Variants in GDI2 observed in about 807,000 individuals in gnomAD.
GDI2 encodes the protein rab GDP dissociation inhibitor beta.
A neutral mutation model predicts 54.2 loss-of-function variants in GDI2; 22 were observed. The ratio of observed to expected loss-of-function variants is 0.41; its 90% confidence interval spans 0.29 to 0.58. The LOEUF (loss-of-function observed/expected upper bound fraction) is 0.58. GDI2 is among the 20% of genes least tolerant of loss of function. GDI2 has a pLI of 0.35. For synonymous variants in GDI2, 177 were observed against 182.1 expected, an observed-to-expected ratio of 0.97 and a Z score of 0.23; for missense variants, 422 against 546.0, an observed-to-expected ratio of 0.77 and a Z score of 2.26.
At position 5,766,344 on chromosome 10, in the gene GDI2, A is replaced by T. The variant is rs1210706725; in HGVS notation, c.1137-49T>A. The stretch of plus-strand genomic sequence containing the variant: ...AGGTGAGCTGGTCCCACACCTGACC[A>T]TGGCTCTGCCTGAGGTCAACTGAGA... On this transcript the variant is annotated intron_variant, in intron 9 of 10. Transcript: ENST00000380191. The surrounding 1 kb of genome is among the most constrained non-coding windows in gnomAD (Gnocchi z 5.8). 1 of 1,526,858 alleles carries T rather than the reference A, an allele frequency of 6.5e-7. No individual in the cohort carries two copies. Among genetic ancestry groups the T allele is most frequent in the East Asian group, 2.2e-5 (1 of 44,490 alleles). The allele number at this position is 1,526,858 out of a possible 1,614,324, so 94.6% of individuals were successfully genotyped here.
chr10:5,809,771 G>A (rs868173069), intron 1 of GDI2, among the ~76,000 whole-genome samples: 1 of 152,188 alleles, frequency 6.6e-6, no homozygotes, highest in Non-Finnish European at 1.5e-5. Flanking sequence ...GGTACCATGG[G>A]AGGGAAGACA....
At position 5,774,828 on chromosome 10, in the gene GDI2, T is replaced by G. The variant is rs1266172445; in HGVS notation, c.720-887A>C. On this transcript the variant is annotated intron_variant, in intron 6 of 10. Transcript: ENST00000380191. The surrounding 1 kb of genome is among the most constrained non-coding windows in gnomAD (Gnocchi z 4.8). ...GTGTGTGTGTTCTAAAATGGCCTTG[T>G]GCAGTCGCGGGACTATCCACATCAG... is the stretch of plus-strand genomic sequence containing the variant. Among the ~76,000 whole-genome samples the G allele has an allele frequency of 1.3e-5, 2 of 152,190 alleles. No homozygotes were observed. Among genetic ancestry groups the G allele is most frequent in the East Asian group, 3.9e-4 (2 of 5,194 alleles).
At chr10:5,775,755 T>G (rs142497333) in intron 6 of GDI2, among the ~76,000 whole-genome samples, 81 of 152,318 alleles carry the variant, frequency 5.3e-4, no homozygotes, top group African/African-American at 1.9e-3. Flanking sequence ...AGTTTAAAAT[T>G]GCCATGTTCA....
intron 7 of GDI2, 91 bp downstream of exon 7, chr10:5,773,751 T>G (rs1368080755): frequency 1.4e-6 from 1 of 696,842 alleles, no homozygotes; most frequent in Non-Finnish European, 2.5e-6. Flanking sequence ...AGAAATCATA[T>G]GCATCAGTGT....
At chr10:5,791,153 T>C (rs772424044) in intron 4 of GDI2, among the ~76,000 whole-genome samples, 4 of 151,892 alleles carry the variant, frequency 2.6e-5, no homozygotes, top group South Asian at 2.1e-4. Flanking sequence ...ATTGCACCAT[T>C]ATAGGCATGT....
chr10:5,800,763 C>A, intron 1 of GDI2, 58 bp from the exon 2 acceptor site: 2 of 848,330 alleles, frequency 2.4e-6, no homozygotes, highest in South Asian at 1.3e-5. Context: ...TAAAACAGAT[C>A]ATTTTTTTCA....
chr10:5,788,663 C>A (rs1840931750), intron 4 of GDI2, among the ~76,000 whole-genome samples: 1 of 152,188 alleles, frequency 6.6e-6, no homozygotes, highest in Admixed American at 6.5e-5. Context: ...GCATTCAAAG[C>A]TACCCTGGAC....
At chr10:5,783,235 T>C (rs1840801639) in intron 6 of GDI2, among the ~76,000 whole-genome samples, 1 of 152,102 alleles carries the variant, frequency 6.6e-6, no homozygotes, top group Admixed American at 6.5e-5. Flanking sequence ...TTAAAATATA[T>C]ATAGTTATAA....
Position 5,766,288 on chromosome 10 carries a change from T to G in GDI2, c.1144A>C (p.Ser382Arg). ...LLEPIEQKFV[S>R]ISDLLVPKDL... The stretch of plus-strand genomic sequence containing the variant: ...TTTGGTACCAGGAGGTCACTGATGC[T>G]AACAAATCTGGAGGGAGAGAGAATT... The change falls in exon 10 of 11, where the codon AGC becomes CGC. Residue 382 changes from serine to arginine, a missense_variant. Transcript: ENST00000380191. The surrounding 1 kb of genome is among the most constrained non-coding windows in gnomAD (Gnocchi z 5.8). 6.2e-7 allele frequency: 1 copy of G among 1,612,638 alleles called. No homozygotes were observed. The highest frequency in any genetic ancestry group is 8.5e-7 in the Non-Finnish European group (1 of 1,178,654).
rs773933541 is a variant in GDI2, at chr10:5,766,048, CTCAAAG to C, written c.1290_1295del (p.Asp430_Phe431del). On this transcript the variant is annotated inframe_deletion, in exon 11 of 11. Transcript: ENST00000380191. This position sits in a 1 kb window ranked among gnomAD's most constrained non-coding sequence, Gnocchi z 5.8. ...TGTCATTCTTCTTGCGCTTCATTTCCTCAAAGTCAAACTCTGATCCTGTCATCCTCT... is the reference window on the plus strand; with the variant it reads ...TGTCATTCTTCTTGCGCTTCATTTCCTCAAACTCTGATCCTGTCATCCTCT... The C allele has an allele frequency of 1.1e-5, 17 of 1,591,456 alleles. No homozygotes were observed. The highest frequency in any genetic ancestry group is 1.7e-4 in the Middle Eastern group (1 of 5,968).
rs918698423 is a variant in GDI2, at chr10:5,765,920, A to T, written c.*86T>A. On this transcript the variant is annotated 3_prime_UTR_variant, in exon 11 of 11. Coordinates refer to ENST00000380191, the MANE Select transcript of GDI2 (RefSeq NM_001494.4). ...TCATTCTCTCCATTTTCATTACAAA[A>T]GCAGGCCTTACAATATTGATTTCAT... The T allele has an allele frequency of 2.3e-5, 21 of 923,846 alleles. No individual in the cohort carries two copies. Among genetic ancestry groups the T allele is most frequent in the Non-Finnish European group, 3.5e-5 (21 of 608,574 alleles). 57.2% of individuals were successfully genotyped at this position (923,846 alleles called of 1,614,324 possible). A position where few individuals can be genotyped will look rare whatever the true frequency, so the allele number is the denominator to read the frequency against.
In GDI2 at chr10:5,766,474, T is replaced by TA; in HGVS notation, c.1136+19dup. Reference sequence around the variant, plus strand: ...AGGCCTCAGTTTGCATCTCGGCAGATATAAAAGAACACAACTCACTTCTGT... The same window carrying TA: ...AGGCCTCAGTTTGCATCTCGGCAGATAATAAAAGAACACAACTCACTTCTGT... On this transcript the variant is annotated intron_variant, in intron 9 of 10. Transcript: ENST00000380191. The surrounding 1 kb of genome is among the most constrained non-coding windows in gnomAD (Gnocchi z 5.8). 1 of 1,612,460 alleles carries TA rather than the reference T, an allele frequency of 6.2e-7. No homozygotes were observed. The highest frequency in any genetic ancestry group is 8.5e-7 in the Non-Finnish European group (1 of 1,179,540).
intron 1 of GDI2, among the ~76,000 whole-genome samples, chr10:5,803,936 T>C (rs868676169): frequency 6.6e-6 from 1 of 152,206 alleles, no homozygotes; most frequent in African/African-American, 2.4e-5. Flanking sequence ...AACAATCTTA[T>C]TCTCTACAAG....
rs1397244936 is a variant in GDI2, at chr10:5,774,628, T to C, written c.720-687A>G. Among the ~76,000 whole-genome samples the C allele has an allele frequency of 6.6e-6, 1 of 152,172 alleles. No homozygotes were observed. The highest frequency in any genetic ancestry group is 6.5e-5 in the Admixed American group (1 of 15,268). On this transcript the variant is annotated intron_variant, in intron 6 of 10. Coordinates refer to ENST00000380191, the MANE Select transcript of GDI2 (RefSeq NM_001494.4). The surrounding 1 kb of genome is among the most constrained non-coding windows in gnomAD (Gnocchi z 4.8). The stretch of plus-strand genomic sequence containing the variant: ...CCTCGCTCACCCTGATGGATGGCTC[T>C]TCGGGGTCCACACTGAGCAGACCTG...
intron 1 of GDI2, 82 bp from the exon 2 acceptor site, chr10:5,800,787 A>C: frequency 1.3e-6 from 1 of 774,162 alleles, no homozygotes; most frequent in East Asian, 2.4e-5. Flanking sequence ...CTGCCATTAC[A>C]CATTCTCTTA....
chr10:5,789,440 G>T (rs758474343), intron 4 of GDI2, among the ~76,000 whole-genome samples: 1 of 151,782 alleles, frequency 6.6e-6, no homozygotes, highest in Admixed American at 6.6e-5. Context: ...TGCTATATAA[G>T]GATATATCGT....
intron 6 of GDI2, among the ~76,000 whole-genome samples, chr10:5,775,817 C>G (rs1011989581): frequency 1.3e-5 from 2 of 152,210 alleles, no homozygotes; most frequent in African/African-American, 4.8e-5. Context: ...GCAGAGGCCA[C>G]TTGCGCGTGT....
At chr10:5,794,563 A>T (rs1841106788) in intron 4 of GDI2, among the ~76,000 whole-genome samples, 1 of 152,160 alleles carries the variant, frequency 6.6e-6, no homozygotes, top group Non-Finnish European at 1.5e-5. Context: ...GAGCCTTTAG[A>T]CACAGGAAAT....
In GDI2 at chr10:5,776,784, T is replaced by C. The variant is rs868067146; in HGVS notation, c.720-2843A>G. 3.3e-6 allele frequency: 5 copies of C among 1,535,738 alleles called. No homozygotes were observed. In the African/African-American group the frequency reaches 5.5e-5, roughly 17 times the overall value. ...GCCAAGGACATTCCAATCCCCAATCTTCCTCCCTTGGATTTTCCATCTCCA... is the reference window on the plus strand; with the variant it reads ...GCCAAGGACATTCCAATCCCCAATCCTCCTCCCTTGGATTTTCCATCTCCA... On this transcript the variant is annotated intron_variant, in intron 6 of 10. Coordinates refer to ENST00000380191, the MANE Select transcript of GDI2 (RefSeq NM_001494.4). The surrounding 1 kb of genome is among the most constrained non-coding windows in gnomAD (Gnocchi z 5.3).
Sources: allele counts gnomAD v4.1 joint callset (sites outside exome capture counted in the v4.1 genomes callset), GRCh38; gene constraint gnomAD v4.1.1; non-coding constraint Gnocchi (gnomAD v3.1); transcripts MANE v1.5; gene names NCBI Gene and HGNC (gene_info 2026-07-23, HGNC 2026-07-21).